SRPX: variants seen among roughly 807,000 people sequenced by gnomAD.
SRPX encodes the protein sushi repeat-containing protein SRPX.
A neutral mutation model predicts 38.1 loss-of-function variants in SRPX; 24 were observed. The observed-to-expected ratio is 0.63, with a 90% CI of 0.46 to 0.89. The LOEUF (loss-of-function observed/expected upper bound fraction) is 0.89, where lower values mean the gene tolerates loss of function less well. SRPX is among the 40% of genes least tolerant of loss of function. SRPX has a pLI of 0.00. For missense variants in SRPX, 416 were observed against 377.8 expected (o/e 1.10, Z -0.84); for synonymous variants, 184 against 153.8 (o/e 1.20, Z -1.45).
At chrX:38,159,464 T>C (rs774970299) in intron 7 of SRPX, among the ~76,000 whole-genome samples, 57 of 113,343 alleles carry the variant, frequency 5.0e-4, no homozygotes, top group African/African-American at 1.7e-3. Flanking sequence ...TTTTTCTTCA[T>C]CAGGAATAAG....
rs1231378329 is a variant in SRPX at position 38,171,871 on chromosome X, A to AT, written c.526+9dup. 1 of 1,210,525 alleles carries AT rather than the reference A, an allele frequency of 8.3e-7. No homozygotes were observed. Among genetic ancestry groups the AT allele is most frequent in the Non-Finnish European group, 1.1e-6 (1 of 894,800 alleles). ...GCAAGTGCCTCCTAAGGGCTGTGGC[A>AT]TTTTCTTACCCACACAGGAGGCTGG... On this transcript the variant is annotated intron_variant, in intron 4 of 9. Coordinates refer to ENST00000378533, the MANE Select transcript of SRPX (RefSeq NM_006307.5).
At chrX:38,207,267 A>G (rs773860474) in intron 1 of SRPX, among the ~76,000 whole-genome samples, 9 of 112,572 alleles carry the variant, frequency 8.0e-5, no homozygotes, top group African/African-American at 2.6e-4. Context: ...CTATTGTTTA[A>G]TACTACGAAG....
intron 6 of SRPX, among the ~76,000 whole-genome samples, chrX:38,160,397 T>C (rs1490317839): frequency 8.9e-6 from 1 of 112,101 alleles, no homozygotes; most frequent in African/African-American, 3.2e-5. Context: ...AGACCACTGA[T>C]ATCAACTGGT....
chrX:38,207,649 G>A (rs1442236723), intron 1 of SRPX, among the ~76,000 whole-genome samples: 6 of 112,245 alleles, frequency 5.3e-5, no homozygotes, highest in East Asian at 2.8e-4. Context: ...AGACACTGGC[G>A]GAGGCCACAT....
At chrX:38,185,694 A>G (rs1256758876) in intron 1 of SRPX, among the ~76,000 whole-genome samples, 1 of 110,665 alleles carries the variant, frequency 9.0e-6, no homozygotes, top group African/African-American at 3.3e-5. Flanking sequence ...TGTCTAATAG[A>G]GTGAATTCTA....
At chrX:38,170,865 T>C (rs1364638982) in intron 4 of SRPX, among the ~76,000 whole-genome samples, 1 of 111,870 alleles carries the variant, frequency 8.9e-6, no homozygotes, top group Non-Finnish European at 1.9e-5. Context: ...CCTTCCAATA[T>C]GAGGGAGTAG....
intron 1 of SRPX, among the ~76,000 whole-genome samples, chrX:38,196,929 C>T (rs891368026): frequency 9.0e-6 from 1 of 111,605 alleles, no homozygotes; most frequent in South Asian, 3.8e-4. Context: ...GAAATTCTTG[C>T]TGAGCGAGCT....
chrX:38,195,980 A>G (rs1246770781), intron 1 of SRPX, among the ~76,000 whole-genome samples: 1 of 111,990 alleles, frequency 8.9e-6, no homozygotes, highest in Non-Finnish European at 1.9e-5. Flanking sequence ...ATCACTGAAA[A>G]ATTAAGGGAA....
At chrX:38,172,367 C>A (rs1038636368) in intron 3 of SRPX, among the ~76,000 whole-genome samples, 1 of 112,964 alleles carries the variant, frequency 8.9e-6, no homozygotes, top group African/African-American at 3.2e-5. Flanking sequence ...GCAGGAGGAT[C>A]GCTTGAACCC....
At chrX:38,168,787 T>A (rs1313416824) in intron 4 of SRPX, among the ~76,000 whole-genome samples, 7 of 111,653 alleles carry the variant, frequency 6.3e-5, no homozygotes, top group Admixed American at 9.5e-5. Context: ...TTTGGCACCA[T>A]ACAAAAATCC....
At chrX:38,153,302 CTTTTTTTT>C (rs58888978) in intron 9 of SRPX, among the ~76,000 whole-genome samples, 3 of 54,740 alleles carry the variant, frequency 5.5e-5, no homozygotes, top group Admixed American at 2.6e-4. Flanking sequence ...TTCTTTCTTT[CTTTTTTTT>C]TTTTTTTTTT....
intron 1 of SRPX, among the ~76,000 whole-genome samples, chrX:38,205,557 T>C (rs1939192279): frequency 2.7e-5 from 3 of 112,151 alleles, no homozygotes; most frequent in African/African-American, 6.5e-5. Context: ...AATCTCTGCC[T>C]AACTCAAGTT....
chrX:38,162,766 A>T (rs1441849310), intron 5 of SRPX, among the ~76,000 whole-genome samples: 2 of 112,793 alleles, frequency 1.8e-5, no homozygotes, highest in African/African-American at 6.4e-5. Context: ...GTGAGCCAAG[A>T]TCGTGCCACT....
At chrX:38,210,519 C>T (rs1939299833) in intron 1 of SRPX, among the ~76,000 whole-genome samples, 1 of 112,147 alleles carries the variant, frequency 8.9e-6, no homozygotes, top group Non-Finnish European at 1.9e-5. Context: ...ATACTACATA[C>T]CAAGATCCTG....
chrX:38,162,334 G>C (rs770046348), intron 5 of SRPX, among the ~76,000 whole-genome samples: 9 of 111,445 alleles, frequency 8.1e-5, no homozygotes, highest in Non-Finnish European at 1.7e-4. Context: ...GAAATGCCAG[G>C]GCAGCAAGGA....
intron 5 of SRPX, among the ~76,000 whole-genome samples, chrX:38,162,232 C>T (rs993267302): frequency 8.9e-6 from 1 of 112,272 alleles, no homozygotes; most frequent in Non-Finnish European, 1.9e-5. Flanking sequence ...ACAAGAAGCA[C>T]TTGTCTCAGA....
At chrX:38,206,773 G>A (rs1432708504) in intron 1 of SRPX, among the ~76,000 whole-genome samples, 1 of 111,958 alleles carries the variant, frequency 8.9e-6, no homozygotes, top group Non-Finnish European at 1.9e-5. Flanking sequence ...GGCAATTGGG[G>A]CTCCATCCTG....
intron 1 of SRPX, among the ~76,000 whole-genome samples, chrX:38,213,638 C>T (rs1210262293): frequency 8.9e-6 from 1 of 111,779 alleles, no homozygotes; most frequent in Non-Finnish European, 1.9e-5. Context: ...TTTTGCACTG[C>T]TATGAAGAAA....
chrX:38,200,668 T>G (rs1258272532), intron 1 of SRPX, among the ~76,000 whole-genome samples: 1 of 111,382 alleles, frequency 9.0e-6, no homozygotes, highest in Non-Finnish European at 1.9e-5. Flanking sequence ...CTCCTCCCTT[T>G]TATCAGGAAC....
Sources: allele counts gnomAD v4.1 joint callset (sites outside exome capture counted in the v4.1 genomes callset), GRCh38; gene constraint gnomAD v4.1.1; transcripts MANE v1.5; gene names NCBI Gene and HGNC (gene_info 2026-07-23, HGNC 2026-07-21).